GHR: variants seen among roughly 807,000 people sequenced by gnomAD.
GHR encodes the protein GH receptor.
Under a neutral mutation model 67.1 loss-of-function variants are expected in GHR, and 35 were observed. That is an observed-to-expected ratio of 0.52 (90% CI 0.40 to 0.69). GHR has a LOEUF of 0.69. GHR is among the 30% of genes least tolerant of loss of function. GHR has a pLI of 0.00. For missense variants in GHR, 792 were observed against 764.6 expected (o/e 1.04, Z -0.42); for synonymous variants, 272 against 269.1 (o/e 1.01, Z -0.10).
At chr5:42,486,701 A>G (rs2089645) in intron 1 of GHR, among the ~76,000 whole-genome samples, 76,283 of 151,814 alleles carry the variant, frequency 0.5, 20,146 homozygotes, top group African/African-American at 0.64. Context: ...CAAAAAATTA[A>G]CCGGGCGTCG....
chr5:42,615,499 C>T (rs576563404), intron 2 of GHR, among the ~76,000 whole-genome samples: 76 of 152,174 alleles, frequency 5.0e-4, no homozygotes, highest in African/African-American at 1.7e-3. Flanking sequence ...TTAGGAAATG[C>T]TCACTATAAA....
At chr5:42,559,289 C>T (rs1308263318) in intron 1 of GHR, among the ~76,000 whole-genome samples, 1 of 151,916 alleles carries the variant, frequency 6.6e-6, no homozygotes, top group Admixed American at 6.6e-5. Flanking sequence ...GGCTATAATC[C>T]CAGCACTTTG....
intron 3 of GHR, among the ~76,000 whole-genome samples, chr5:42,637,032 T>C (rs1374526363): frequency 2.0e-5 from 3 of 152,244 alleles, no homozygotes; most frequent in African/African-American, 7.2e-5. Flanking sequence ...CAAGGTAAGC[T>C]ACCTCTGTGT....
intron 1 of GHR, among the ~76,000 whole-genome samples, chr5:42,466,492 G>A (rs979156598): frequency 2.6e-5 from 4 of 152,138 alleles, no homozygotes; most frequent in African/African-American, 7.2e-5. Flanking sequence ...TAGAATACAC[G>A]GTTCAACCAG....
intron 3 of GHR, among the ~76,000 whole-genome samples, chr5:42,673,293 G>A (rs553361220): frequency 8.5e-5 from 13 of 152,170 alleles, no homozygotes; most frequent in East Asian, 3.9e-4. Context: ...AAAAGTGAAC[G>A]CTCATACACG....
chr5:42,431,971 T>C (rs1743116106), intron 1 of GHR, among the ~76,000 whole-genome samples: 1 of 152,224 alleles, frequency 6.6e-6, no homozygotes. Flanking sequence ...GAGAATTCCC[T>C]GATAGGGAAC....
intron 3 of GHR, among the ~76,000 whole-genome samples, chr5:42,665,353 T>C (rs1159053934): frequency 6.6e-6 from 1 of 152,128 alleles, no homozygotes; most frequent in Non-Finnish European, 1.5e-5. Context: ...AACCCGAATG[T>C]CCAACAATGA....
chr5:42,546,342 C>A (rs1198265506), intron 1 of GHR, among the ~76,000 whole-genome samples: 1 of 152,190 alleles, frequency 6.6e-6, no homozygotes, highest in African/African-American at 2.4e-5. Flanking sequence ...TAGTGAGTCT[C>A]AGACATGTTC....
chr5:42,536,233 T>C (rs1748252487), intron 1 of GHR, among the ~76,000 whole-genome samples: 1 of 152,174 alleles, frequency 6.6e-6, no homozygotes, highest in South Asian at 2.1e-4. Context: ...GGCATCCTTG[T>C]CCTGTCCCAG....
intron 2 of GHR, among the ~76,000 whole-genome samples, chr5:42,617,331 CAT>C (rs1753205841): frequency 6.6e-6 from 1 of 151,458 alleles, no homozygotes; most frequent in African/African-American, 2.4e-5. Flanking sequence ...TAAATGGTCA[CAT>C]ATTATTTTGG....
intron 1 of GHR, among the ~76,000 whole-genome samples, chr5:42,449,656 G>A (rs1171519545): frequency 6.6e-6 from 1 of 152,090 alleles, no homozygotes; most frequent in Non-Finnish European, 1.5e-5. Context: ...ACTCTGGCTA[G>A]GACTTCTAGA....
At position 42,718,915 on chromosome 5, in the gene GHR, G is replaced by A. The variant is rs1343595548; in HGVS notation, c.1408G>A (p.Ala470Thr). ...TGAAGGAGCTGAGTCAACTCACCAA[G>A]CTGCCCATATTCAGCTAAGCAATCC... ...PTEGAESTHQAAHIQLSNPSS... is the reference protein window; with the variant it reads ...PTEGAESTHQTAHIQLSNPSS... The change falls in exon 10 of 10, where the codon GCT becomes ACT. Residue 470 changes from alanine (A) to threonine (T), a missense_variant. Physicochemically the swap from Ala to Thr is moderately conservative, Grantham distance 58 (BLOSUM62 0). Coordinates refer to ENST00000230882, the MANE Select transcript of GHR (RefSeq NM_000163.5). The A allele has an allele frequency of 2.5e-6, 4 of 1,614,002 alleles. No homozygotes were observed. Among genetic ancestry groups the A allele is most frequent in the Non-Finnish European group, 2.5e-6 (3 of 1,180,028 alleles).
chr5:42,694,846 G>C, intron 4 of GHR, 71 bp from the exon 5 acceptor site: 2 of 1,111,676 alleles, frequency 1.8e-6, no homozygotes, highest in Non-Finnish European at 2.8e-6. Context: ...AGACTATCAA[G>C]CACCTTACTT....
intron 2 of GHR, among the ~76,000 whole-genome samples, chr5:42,586,146 G>T (rs1043256277): frequency 3.3e-5 from 5 of 152,152 alleles, no homozygotes; most frequent in African/African-American, 1.2e-4. Context: ...AAGACATTCA[G>T]TTTGGTGGGA....
chr5:42,549,137 C>G (rs976894629), intron 1 of GHR, among the ~76,000 whole-genome samples: 2 of 152,124 alleles, frequency 1.3e-5, no homozygotes, highest in African/African-American at 4.8e-5. Flanking sequence ...TCTTGCTATA[C>G]CTCTTTTCAG....
At chr5:42,486,430 T>C (rs148548653) in intron 1 of GHR, among the ~76,000 whole-genome samples, 9 of 152,362 alleles carry the variant, frequency 5.9e-5, no homozygotes, top group African/African-American at 2.2e-4. Context: ...CTATTTAAGA[T>C]ACATCTAATG....
At chr5:42,464,178 C>G (rs1744627541) in intron 1 of GHR, among the ~76,000 whole-genome samples, 2 of 151,734 alleles carry the variant, frequency 1.3e-5, no homozygotes, top group South Asian at 4.2e-4. Flanking sequence ...CTGCTGCTGA[C>G]TCAGAGCTCC....
intron 2 of GHR, among the ~76,000 whole-genome samples, chr5:42,586,722 C>G (rs1751495297): frequency 6.6e-6 from 1 of 152,142 alleles, no homozygotes. Flanking sequence ...CTCTGCTCTT[C>G]CCCCACCCTC....
intron 1 of GHR, among the ~76,000 whole-genome samples, chr5:42,505,899 AT>A (rs1190623355): frequency 1.3e-5 from 2 of 152,178 alleles, no homozygotes; most frequent in Non-Finnish European, 2.9e-5. Context: ...TTATCATACC[AT>A]TCATGCATAT....
Sources: allele counts gnomAD v4.1 joint callset (sites outside exome capture counted in the v4.1 genomes callset), GRCh38; gene constraint gnomAD v4.1.1; transcripts MANE v1.5; gene names NCBI Gene and HGNC (gene_info 2026-07-23, HGNC 2026-07-21).